Variants in CHN2 observed in about 807,000 individuals in gnomAD.
CHN2 encodes the protein beta-chimaerin.
Under a neutral mutation model 56.3 loss-of-function variants are expected in CHN2, and 35 were observed. That is an observed-to-expected ratio of 0.62 (90% CI 0.47 to 0.82). The LOEUF (loss-of-function observed/expected upper bound fraction) is 0.82, where lower values mean the gene tolerates loss of function less well. Among genes scored for constraint, CHN2 ranks in the 40% least tolerant of loss-of-function variants. CHN2 has a pLI of 0.00. For synonymous variants in CHN2, 210 were observed against 212.8 expected, an observed-to-expected ratio of 0.99 and a Z score of 0.12; for missense variants, 491 against 580.5, an observed-to-expected ratio of 0.85 and a Z score of 1.58.
chr7:29,331,021 G>C (rs1343400987), intron 1 of CHN2, among the ~76,000 whole-genome samples: 3 of 152,216 alleles, frequency 2.0e-5, no homozygotes, highest in Non-Finnish European at 2.9e-5. Flanking sequence ...CAGAGACAGA[G>C]TTATGGAAAA....
chr7:29,441,443 G>T (rs1219507074), intron 6 of CHN2, among the ~76,000 whole-genome samples: 1 of 152,152 alleles, frequency 6.6e-6, no homozygotes, highest in Non-Finnish European at 1.5e-5. Flanking sequence ...GCAAGAGCAA[G>T]AAAGAAACAT....
intron 1 of CHN2, among the ~76,000 whole-genome samples, chr7:29,342,789 G>A (rs1229473514): frequency 2.6e-5 from 4 of 152,168 alleles, no homozygotes; most frequent in Non-Finnish European, 4.4e-5. Flanking sequence ...ATAACACTCC[G>A]CTTTCTACCT....
At chr7:29,294,573 G>GAGA (rs1483539300) in intron 1 of CHN2, among the ~76,000 whole-genome samples, 1 of 152,166 alleles carries the variant, frequency 6.6e-6, no homozygotes, top group Non-Finnish European at 1.5e-5. Flanking sequence ...CAGAAACAGA[G>GAGA]AGAAGCAGCT....
In CHN2 at chr7:29,473,476, T is replaced by TTTTTTG. The variant is rs1554298993; in HGVS notation, c.577-6798_577-6797insGTTTTT. Among the ~76,000 whole-genome samples, 48 of 111,728 alleles carry TTTTTTG rather than the reference T, an allele frequency of 4.3e-4. 1 individual carries two copies. Among genetic ancestry groups the TTTTTTG allele is most frequent in the African/African-American group, 1.5e-3 (44 of 28,746 alleles). 73.3% of individuals were successfully genotyped at this position (111,728 alleles called of 152,430 possible). A position where few individuals can be genotyped will look rare whatever the true frequency, so the allele number is the denominator to read the frequency against. On this transcript the variant is annotated intron_variant, in intron 6 of 12. Transcript: ENST00000222792. ...TTTGTGTGTGTGTGTTTGTGTTTTT[T>TTTTTTG]TTTTTTTGTGTGTGTGTGTGTGTGT... is the stretch of plus-strand genomic sequence containing the variant.
chr7:29,362,697 C>T (rs1798836937), intron 2 of CHN2, among the ~76,000 whole-genome samples: 2 of 152,220 alleles, frequency 1.3e-5, no homozygotes, highest in South Asian at 4.1e-4. Flanking sequence ...TCTCTCTTCT[C>T]TACCTGCAGA....
intron 3 of CHN2, among the ~76,000 whole-genome samples, chr7:29,375,197 T>C: frequency 9.3e-6 from 1 of 108,052 alleles, no homozygotes; most frequent in Non-Finnish European, 1.9e-5. Context: ...GCCCTTTTTT[T>C]TTTTTTTTTT....
intron 3 of CHN2, among the ~76,000 whole-genome samples, chr7:29,373,111 C>T (rs1799741847): frequency 1.3e-5 from 2 of 151,930 alleles, no homozygotes; most frequent in Non-Finnish European, 2.9e-5. Flanking sequence ...TTCTAGCATT[C>T]ATGATCAGAA....
At chr7:29,268,709 C>T (rs1003591091) in intron 1 of CHN2, among the ~76,000 whole-genome samples, 5 of 152,174 alleles carry the variant, frequency 3.3e-5, no homozygotes, top group Admixed American at 2.6e-4. Context: ...CTGCTGGGAG[C>T]CAAGGCCCTG....
chr7:29,387,871 A>AG (rs1801045913), intron 3 of CHN2, among the ~76,000 whole-genome samples: 1 of 152,220 alleles, frequency 6.6e-6, no homozygotes, highest in African/African-American at 2.4e-5. Context: ...TTATTATAAT[A>AG]CATGCTCAGT....
intron 1 of CHN2, among the ~76,000 whole-genome samples, chr7:29,198,712 T>C (rs896930082): frequency 6.6e-5 from 10 of 152,220 alleles, no homozygotes; most frequent in African/African-American, 2.2e-4. Context: ...TGCAAAATAG[T>C]CTTCTTAATA....
chr7:29,349,292 A>T (rs192116579), intron 1 of CHN2, among the ~76,000 whole-genome samples: 1 of 152,144 alleles, frequency 6.6e-6, no homozygotes, highest in African/African-American at 2.4e-5. Flanking sequence ...TTTTTTGTTT[A>T]CAGATTAAGC....
At chr7:29,480,441 G>T in intron 7 of CHN2, 85 bp downstream of exon 7, 4 of 1,349,328 alleles carry the variant, frequency 3.0e-6, no homozygotes, top group Non-Finnish European at 3.2e-6. Context: ...GTTTCTGACT[G>T]TAAAGTCAAG....
chr7:29,384,362 T>A (rs1391765306), intron 3 of CHN2, among the ~76,000 whole-genome samples: 1 of 152,228 alleles, frequency 6.6e-6, no homozygotes, highest in Non-Finnish European at 1.5e-5. Context: ...TCTCCCTGCC[T>A]CTGCATGATC....
At chr7:29,181,739 T>C (rs992469656) in intron 2 of CHN2, among the ~76,000 whole-genome samples, 1 of 152,212 alleles carries the variant, frequency 6.6e-6, no homozygotes, top group Non-Finnish European at 1.5e-5. Context: ...ACTAATGATC[T>C]TAACATTCCA....
intron 2 of CHN2, among the ~76,000 whole-genome samples, chr7:29,174,560 A>G (rs551610768): frequency 7.6e-4 from 116 of 152,206 alleles, no homozygotes; most frequent in Non-Finnish European, 1.4e-3. Flanking sequence ...ACCCAACACA[A>G]TGATTAAACA....
intron 3 of CHN2, among the ~76,000 whole-genome samples, chr7:29,383,157 T>C (rs1800652512): frequency 6.6e-6 from 1 of 152,184 alleles, no homozygotes; most frequent in South Asian, 2.1e-4. Context: ...ATAGTTTCCA[T>C]TTGAATGGAA....
intron 6 of CHN2, among the ~76,000 whole-genome samples, chr7:29,446,692 G>C (rs1784056420): frequency 6.6e-6 from 1 of 152,212 alleles, no homozygotes; most frequent in Non-Finnish European, 1.5e-5. Flanking sequence ...TCTCCCTGGA[G>C]TATTCAGCAG....
intron 1 of CHN2, among the ~76,000 whole-genome samples, chr7:29,316,326 A>G (rs1001888779): frequency 3.3e-5 from 5 of 152,232 alleles, no homozygotes; most frequent in African/African-American, 1.2e-4. Context: ...TAAGATGCCT[A>G]TAAACTTCCA....
chr7:29,500,102 T>C, intron 9 of CHN2, 62 bp downstream of exon 9: 1 of 1,318,402 alleles, frequency 7.6e-7, no homozygotes, highest in Non-Finnish European at 1.0e-6. Flanking sequence ...TTGTTTTTAC[T>C]GTTGTCAAGG....
Sources: gnomAD v4.1 joint callset for allele counts (sites outside exome capture counted in the v4.1 genomes callset) on GRCh38, gnomAD v4.1.1 for gene constraint, MANE v1.5 for transcripts, NCBI Gene and HGNC (gene_info 2026-07-23, HGNC 2026-07-21) for gene names.